Variants in RIPOR2 observed in about 807,000 individuals in gnomAD.
RIPOR2 encodes the protein rho family-interacting cell polarization regulator 2.
A neutral mutation model predicts 114.5 loss-of-function variants in RIPOR2; 39 were observed. The observed-to-expected ratio is 0.34, with a 90% CI of 0.26 to 0.44. The LOEUF (loss-of-function observed/expected upper bound fraction) is 0.44, where lower values mean the gene tolerates loss of function less well. Among genes scored for constraint, RIPOR2 ranks in the 20% least tolerant of loss-of-function variants. RIPOR2 has a pLI of 1.00. For synonymous variants in RIPOR2, 445 were observed against 484.4 expected, an observed-to-expected ratio of 0.92 and a Z score of 1.07; for missense variants, 1,007 against 1,255.1, an observed-to-expected ratio of 0.80 and a Z score of 2.99.
intron 1 of RIPOR2, among the ~76,000 whole-genome samples, chr6:24,934,064 T>A (rs556120533): frequency 2.0e-5 from 3 of 152,118 alleles, no homozygotes; most frequent in Admixed American, 6.5e-5. Flanking sequence ...CATAGCCAGA[T>A]GTAAAAGAGC....
intron 1 of RIPOR2, among the ~76,000 whole-genome samples, chr6:24,911,601 T>C (rs1769608898): frequency 6.6e-6 from 1 of 152,256 alleles, no homozygotes; most frequent in African/African-American, 2.4e-5. Flanking sequence ...ACAGCTCTCA[T>C]AAAGATGGCA....
intron 1 of RIPOR2, among the ~76,000 whole-genome samples, chr6:25,016,364 C>A (rs536366956): frequency 3.3e-5 from 5 of 152,068 alleles, no homozygotes; most frequent in Admixed American, 2.0e-4. Flanking sequence ...CTAATCTCAG[C>A]GATTTAAAGT....
intron 9 of RIPOR2, among the ~76,000 whole-genome samples, chr6:24,852,162 C>T (rs968999196): frequency 3.3e-5 from 5 of 151,854 alleles, no homozygotes; most frequent in Admixed American, 1.3e-4. Flanking sequence ...CTCCAGAGGC[C>T]GAGGCAGGAG....
At chr6:25,005,694 G>GAGAT (rs1554130519) in intron 1 of RIPOR2, among the ~76,000 whole-genome samples, 3 of 45,378 alleles carry the variant, frequency 6.6e-5, no homozygotes, top group South Asian at 1.1e-3. Flanking sequence ...TCCCTATGGA[G>GAGAT]ATATATATAT....
chr6:24,874,015 C>T (rs1399227648), intron 2 of RIPOR2, among the ~76,000 whole-genome samples: 3 of 151,854 alleles, frequency 2.0e-5, no homozygotes, highest in Non-Finnish European at 2.9e-5. Flanking sequence ...GCATGTGCCA[C>T]CACACCCAGC....
At position 24,844,555 on chromosome 6, in the gene RIPOR2, C is replaced by T. The variant is rs374064772; in HGVS notation, c.1165-1001G>A. 2.0e-4 allele frequency among the ~76,000 whole-genome samples: 31 copies of T among 151,996 alleles called. No homozygotes were observed. In the South Asian group the frequency reaches 5.2e-3, roughly 25 times the overall value. On this transcript the variant is annotated intron_variant, in intron 12 of 21. Transcript: ENST00000643898. Reference sequence around the variant, plus strand: ...GTGCGATCTCAGCTCACTGCAACCTCGGCCTCCTGAGTTCAAGTGATTCTC... The same window carrying T: ...GTGCGATCTCAGCTCACTGCAACCTTGGCCTCCTGAGTTCAAGTGATTCTC...
chr6:24,893,860 G>A (rs1767596236), intron 1 of RIPOR2, among the ~76,000 whole-genome samples: 1 of 152,192 alleles, frequency 6.6e-6, no homozygotes, highest in South Asian at 2.1e-4. Context: ...ATAAACAAGA[G>A]AACAGAGAGG....
chr6:24,886,258 C>G (rs1435677310), intron 1 of RIPOR2, among the ~76,000 whole-genome samples: 1 of 152,162 alleles, frequency 6.6e-6, no homozygotes, highest in Non-Finnish European at 1.5e-5. Context: ...CTCTTAAATA[C>G]TTCAATGTGT....
intron 1 of RIPOR2, among the ~76,000 whole-genome samples, chr6:24,994,366 G>A (rs1007078945): frequency 6.6e-6 from 1 of 152,144 alleles, no homozygotes; most frequent in Admixed American, 6.5e-5. Context: ...GTCTGATCAC[G>A]TTTCTTTGCA....
chr6:24,960,379 C>G (rs1461047100), intron 1 of RIPOR2, among the ~76,000 whole-genome samples: 2 of 152,202 alleles, frequency 1.3e-5, no homozygotes, highest in Non-Finnish European at 2.9e-5. Flanking sequence ...AGGGCCTAGG[C>G]TAATTCTCTC....
intron 1 of RIPOR2, among the ~76,000 whole-genome samples, chr6:25,027,678 C>G (rs78878947): frequency 0.21 from 31,897 of 152,076 alleles, 4,110 homozygotes; most frequent in East Asian, 0.59. Context: ...CCCCTCCCCT[C>G]GTGTGAGTCA....
chr6:24,830,542 C>G lies in RIPOR2; in HGVS notation c.2473G>C (p.Val825Leu). Residue 825 changes from valine (V) to leucine (L), a missense_variant, in exon 17 of 22, where the codon GTC becomes CTC. Val to Leu is a conservative substitution (Grantham distance 32). Transcript: ENST00000643898. Reference sequence around the variant, plus strand: ...GCAAGTCCTGGATATTCTTTGTTGACAGTTCTGGCAAAGCTGGCCTCCAGC... The same window carrying G: ...GCAAGTCCTGGATATTCTTTGTTGAGAGTTCTGGCAAAGCTGGCCTCCAGC... ...KQLEASFART[V>L]NKEYPGLADP... 1 of 1,550,550 alleles carries G rather than the reference C, an allele frequency of 6.4e-7. No individual in the cohort carries two copies.
intron 13 of RIPOR2, chr6:24,839,977 T>C: frequency 1.0e-6 from 1 of 979,002 alleles, no homozygotes; most frequent in African/African-American, 2.1e-5. Context: ...TGAGACAAGG[T>C]CTTGCTCTGT....
At chr6:24,994,128 A>C (rs1018703143) in intron 1 of RIPOR2, among the ~76,000 whole-genome samples, 2 of 152,190 alleles carry the variant, frequency 1.3e-5, no homozygotes, top group Non-Finnish European at 2.9e-5. Context: ...AGTTATAGTA[A>C]TTGGGAAACA....
intron 6 of RIPOR2, among the ~76,000 whole-genome samples, chr6:24,865,849 A>C (rs1017213023): frequency 6.6e-6 from 1 of 152,126 alleles, no homozygotes; most frequent in Non-Finnish European, 1.5e-5. Flanking sequence ...AAAAATAATT[A>C]AGTATTAAAT....
chr6:24,925,171 C>CCAAG (rs1278643165), intron 1 of RIPOR2, among the ~76,000 whole-genome samples: 2 of 152,218 alleles, frequency 1.3e-5, no homozygotes, highest in African/African-American at 4.8e-5. Context: ...TCTGCCTAGA[C>CCAAG]CAAGAGCAGT....
chr6:24,830,026 C>T (rs570282223), intron 17 of RIPOR2, among the ~76,000 whole-genome samples: 2 of 152,104 alleles, frequency 1.3e-5, no homozygotes, highest in East Asian at 1.9e-4. Flanking sequence ...AATGCAGTGG[C>T]GTGATCTCAG....
intron 17 of RIPOR2, among the ~76,000 whole-genome samples, chr6:24,828,531 T>C (rs532313425): frequency 3.3e-4 from 50 of 152,126 alleles, no homozygotes; most frequent in African/African-American, 1.2e-3. Flanking sequence ...TTTATTGTGG[T>C]TGAAGATAGA....
chr6:24,945,341 T>C (rs1424153980), intron 1 of RIPOR2, among the ~76,000 whole-genome samples: 1 of 152,168 alleles, frequency 6.6e-6, no homozygotes, highest in Admixed American at 6.5e-5. Context: ...ACTAGTAGAT[T>C]TGCCTTGTAA....
Sources: allele counts gnomAD v4.1 joint callset (sites outside exome capture counted in the v4.1 genomes callset), GRCh38; gene constraint gnomAD v4.1.1; transcripts MANE v1.5; gene names NCBI Gene and HGNC (gene_info 2026-07-23, HGNC 2026-07-21).